The following CSMD1 variants were observed in gnomAD, a reference collection of about 807,000 sequenced individuals.
CSMD1 encodes the protein CUB and sushi domain-containing protein 1.
A neutral mutation model predicts 417.5 loss-of-function variants in CSMD1; 213 were observed. The ratio of observed to expected loss-of-function variants is 0.51; its 90% CI spans 0.46 to 0.57. The LOEUF is 0.57. CSMD1 is among the 20% of genes least tolerant of loss of function. The probability of loss-of-function intolerance (pLI) is 0.00; values close to 1 mark genes in which losing one functional copy is unlikely to be tolerated. For synonymous variants in CSMD1, 2,862 were observed against 1,736.8 expected, an observed-to-expected ratio of 1.65 and a Z score of -16.11; for missense variants, 6,923 against 4,529.7, an observed-to-expected ratio of 1.53 and a Z score of -15.17.
intron 5 of CSMD1, among the ~76,000 whole-genome samples, chr8:3,980,750 A>T (rs994425284): frequency 1.3e-5 from 2 of 152,130 alleles, no homozygotes; most frequent in Non-Finnish European, 2.9e-5. Flanking sequence ...GAATTCCTGA[A>T]TTTTCATTTC....
intron 1 of CSMD1, among the ~76,000 whole-genome samples, chr8:4,756,669 G>A (rs1436875184): frequency 6.6e-6 from 1 of 152,158 alleles, no homozygotes; most frequent in South Asian, 2.1e-4. Flanking sequence ...AGAAAAAATA[G>A]AAGCTAGACA....
intron 3 of CSMD1, among the ~76,000 whole-genome samples, chr8:4,038,420 GAC>G (rs1490354381): frequency 2.0e-5 from 3 of 152,116 alleles, no homozygotes; most frequent in Non-Finnish European, 1.5e-5. Context: ...AAAGATTCAA[GAC>G]ACACACAGAC....
intron 33 of CSMD1, among the ~76,000 whole-genome samples, chr8:3,190,960 G>A (rs1796383919): frequency 6.6e-6 from 1 of 152,162 alleles, no homozygotes; most frequent in Non-Finnish European, 1.5e-5. Context: ...AGTTACTGGG[G>A]GCTGGGGAAC....
At chr8:4,826,836 T>C (rs893240981) in intron 1 of CSMD1, among the ~76,000 whole-genome samples, 2 of 152,152 alleles carry the variant, frequency 1.3e-5, no homozygotes, top group Non-Finnish European at 2.9e-5. Context: ...CTATAACATT[T>C]ATGTTATTAG....
chr8:3,400,931 A>AT (rs1263732395), intron 15 of CSMD1, among the ~76,000 whole-genome samples: 1 of 122,654 alleles, frequency 8.2e-6, no homozygotes, highest in Admixed American at 9.8e-5. Flanking sequence ...AGAACACTTG[A>AT]TTTTTTGTGA....
intron 3 of CSMD1, among the ~76,000 whole-genome samples, chr8:4,157,714 T>G (rs1292655143): frequency 1.3e-5 from 2 of 152,198 alleles, no homozygotes; most frequent in African/African-American, 4.8e-5. Context: ...TCTGCACAGT[T>G]GTCCCTCTGG....
At chr8:4,156,401 T>C (rs1357964570) in intron 3 of CSMD1, among the ~76,000 whole-genome samples, 1 of 152,204 alleles carries the variant, frequency 6.6e-6, no homozygotes, top group Non-Finnish European at 1.5e-5. Context: ...CCATAAAATT[T>C]CTCAATGAGT....
At chr8:3,220,507 C>A (rs1038440218) in intron 28 of CSMD1, among the ~76,000 whole-genome samples, 14 of 152,130 alleles carry the variant, frequency 9.2e-5, no homozygotes, top group Admixed American at 7.9e-4. Context: ...CTTGATATGA[C>A]CAGAATAAAC....
At chr8:3,423,342 T>C (rs1326647641) in intron 12 of CSMD1, among the ~76,000 whole-genome samples, 1 of 152,172 alleles carries the variant, frequency 6.6e-6, no homozygotes, top group Non-Finnish European at 1.5e-5. Flanking sequence ...TTTTCTCCCT[T>C]TCCCTTGCTC....
chr8:4,233,131 G>A (rs770807538), intron 3 of CSMD1, among the ~76,000 whole-genome samples: 20 of 152,170 alleles, frequency 1.3e-4, no homozygotes, highest in African/African-American at 4.3e-4. Context: ...TATCCACAAC[G>A]TTCCAGCTTC....
At chr8:3,625,480 G>A (rs1796446838) in intron 7 of CSMD1, among the ~76,000 whole-genome samples, 1 of 151,850 alleles carries the variant, frequency 6.6e-6, no homozygotes. Context: ...AAACACAAGG[G>A]GTTGATCACC....
chr8:4,601,592 C>T (rs895748815), intron 2 of CSMD1, among the ~76,000 whole-genome samples: 7 of 152,098 alleles, frequency 4.6e-5, no homozygotes, highest in Non-Finnish European at 7.4e-5. Flanking sequence ...AGTAAGAGTT[C>T]AGTACTTTCC....
chr8:3,156,233 G>A (rs910800259), intron 39 of CSMD1, among the ~76,000 whole-genome samples: 3 of 152,140 alleles, frequency 2.0e-5, no homozygotes, highest in African/African-American at 7.2e-5. Flanking sequence ...CTGACTGTCT[G>A]GACATAAATG....
chr8:4,046,188 G>A (rs973322182), intron 3 of CSMD1, among the ~76,000 whole-genome samples: 3 of 152,012 alleles, frequency 2.0e-5, no homozygotes, highest in Non-Finnish European at 2.9e-5. Context: ...GTGTATGTGT[G>A]CGTGTGTGTG....
At chr8:4,868,360 A>C (rs1287588900) in intron 1 of CSMD1, among the ~76,000 whole-genome samples, 1 of 151,980 alleles carries the variant, frequency 6.6e-6, no homozygotes, top group Non-Finnish European at 1.5e-5. Context: ...CAGCCTCCCC[A>C]GTAAACTGAG....
At chr8:2,976,110 T>C (rs1365529907) in intron 55 of CSMD1, among the ~76,000 whole-genome samples, 1 of 152,192 alleles carries the variant, frequency 6.6e-6, no homozygotes, top group East Asian at 1.9e-4. Context: ...GCTGAGAATT[T>C]TTTTGAAAGT....
intron 1 of CSMD1, among the ~76,000 whole-genome samples, chr8:4,983,489 T>C (rs1020284424): frequency 2.0e-5 from 3 of 152,204 alleles, no homozygotes; most frequent in Admixed American, 6.5e-5. Context: ...CCAAACAATG[T>C]AAACAAATGA....
chr8:4,105,701 G>C (rs952893630), intron 3 of CSMD1, among the ~76,000 whole-genome samples: 1 of 152,156 alleles, frequency 6.6e-6, no homozygotes, highest in African/African-American at 2.4e-5. Context: ...GCCTAGGCTG[G>C]GGTACCCCAT....
intron 3 of CSMD1, among the ~76,000 whole-genome samples, chr8:4,168,256 T>C (rs1030617485): frequency 6.6e-6 from 1 of 150,994 alleles, no homozygotes; most frequent in African/African-American, 2.4e-5. Flanking sequence ...TTAGTTGACA[T>C]GGTAGGATGC....
Sources: allele counts gnomAD v4.1 joint callset (sites outside exome capture counted in the v4.1 genomes callset), GRCh38; gene constraint gnomAD v4.1.1; transcripts MANE v1.5; gene names NCBI Gene and HGNC (gene_info 2026-07-23, HGNC 2026-07-21).